Variants in SPINK7 observed in about 807,000 individuals in gnomAD.
SPINK7 encodes serine protease inhibitor Kazal-type 7.
A neutral mutation model predicts 11.6 loss-of-function variants in SPINK7; 8 were observed. The observed-to-expected ratio is 0.69, with a 90% confidence interval of 0.41 to 1.25. The LOEUF (loss-of-function observed/expected upper bound fraction) is 1.25. SPINK7 is among the 50% of genes most tolerant of loss of function. The probability of loss-of-function intolerance (pLI) is 0.01; values close to 1 mark genes in which losing one functional copy is unlikely to be tolerated. For synonymous variants in SPINK7, 38 were observed against 35.3 expected, an observed-to-expected ratio of 1.08 and a Z score of -0.27; for missense variants, 113 against 99.3, an observed-to-expected ratio of 1.14 and a Z score of -0.58.
rs148739653 is a variant in SPINK7, at chr5:148,315,763, TCA to T, written c.*80_*81del. ...ATCCCAGGCTCTGACTGAGTTTCTT[TCA>T]GTTTTACTGATGTTCTGGGTGGGGG... On this transcript the variant is annotated 3_prime_UTR_variant, in exon 4 of 4. Transcript: ENST00000274565. The T allele has an allele frequency of 2.4e-3, 2,152 of 898,872 alleles. 31 individuals are homozygous for T. In the African/African-American group the frequency reaches 0.032, roughly 14 times the overall value. The allele number at this position is 898,872 out of a possible 1,614,324, so 55.7% of individuals were successfully genotyped here.
At chr5:148,315,588 A>G (rs748838330) in intron 3 of SPINK7, 51 bp from the exon 4 acceptor site, 3 of 1,162,058 alleles carry the variant, frequency 2.6e-6, no homozygotes, top group South Asian at 1.2e-5. Context: ...CTAACATTAC[A>G]TAAAATTTCC....
At chr5:148,312,991 T>C (rs932935651) in intron 1 of SPINK7, among the ~76,000 whole-genome samples, 4 of 152,042 alleles carry the variant, frequency 2.6e-5, no homozygotes, top group African/African-American at 9.7e-5. Flanking sequence ...ATAAAGACAT[T>C]CAATTGCATT....
intron 2 of SPINK7, 161 bp from the exon 3 acceptor site, chr5:148,313,939 T>C: frequency 1.3e-6 from 1 of 779,440 alleles, no homozygotes; most frequent in Non-Finnish European, 2.1e-6. Context: ...AGAATACCAG[T>C]AGTGCTAGTA....
rs1422928688 is a variant in SPINK7 at position 148,312,528 on chromosome 5, T to C, written c.45T>C (p.Tyr15=). 2.5e-6 allele frequency: 4 copies of C among 1,608,538 alleles called. No individual in the cohort carries two copies. Among genetic ancestry groups the C allele is most frequent in the Non-Finnish European group, 3.4e-6 (4 of 1,176,062 alleles). ...TCCTTCTGCTCTGTACAGTGGTCTA[T>C]TTCTGTAGCAGCTCAGGTAAGTTAA... The part of the protein sequence containing the change: ...GGLLLLCTVV[Y]FCSSSEAASL... The change falls in exon 1 of 4, where the codon TAT becomes TAC. Residue 15 remains tyrosine, a synonymous_variant. Transcript: ENST00000274565.
Position 148,314,238 on chromosome 5 carries a change from A to G in SPINK7, c.212+14A>G. 1 of 1,613,402 alleles carries G rather than the reference A, an allele frequency of 6.2e-7. No individual in the cohort carries two copies. The highest frequency in any genetic ancestry group is 8.5e-7 in the Non-Finnish European group (1 of 1,179,504). ...TACCGAGAGCTTGTGAGTACCTCAT[A>G]AGAAGAAAATGAGATCTGGAGTCAG... is the stretch of plus-strand genomic sequence containing the variant. On this transcript the variant is annotated intron_variant, in intron 3 of 3. Transcript: ENST00000274565.
In SPINK7 at chr5:148,313,363, C is replaced by T. The variant is rs1339851420; in HGVS notation, c.62-11C>T. The T allele has an allele frequency of 1.3e-6, 2 of 1,597,744 alleles. No homozygotes were observed. The highest frequency in any genetic ancestry group is 1.1e-5 in the South Asian group (1 of 89,254). ...TTACTTTTAACATCTTCATCTGTAT[C>T]TCTTTTTCAGAAGCTGCTAGTCTGT... On this transcript the variant is annotated splice_polypyrimidine_tract_variant and intron_variant, in intron 1 of 3. Transcript: ENST00000274565.
chr5:148,312,536 G>GC lies in SPINK7; in HGVS notation c.54dup (p.Ser19GlnfsTer6). The GC allele has an allele frequency of 6.2e-7, 1 of 1,604,718 alleles. No individual in the cohort carries two copies. The highest frequency in any genetic ancestry group is 8.5e-7 in the Non-Finnish European group (1 of 1,172,898). The stretch of plus-strand genomic sequence containing the variant: ...CTCTGTACAGTGGTCTATTTCTGTA[G>GC]CAGCTCAGGTAAGTTAAGGTCAGAC... On this transcript the variant is annotated frameshift_variant, in exon 1 of 4. Coordinates refer to ENST00000274565, the MANE Select transcript of SPINK7 (RefSeq NM_032566.3). LOFTEE classifies it high-confidence loss of function.
chr5:148,314,005 T>A (rs1326199565), intron 2 of SPINK7, 95 bp from the exon 3 acceptor site: 2 of 1,514,524 alleles, frequency 1.3e-6, no homozygotes, highest in Non-Finnish European at 1.8e-6. Flanking sequence ...CATCTGAATA[T>A]CTGAGCTGGG....
intron 3 of SPINK7, 120 bp from the exon 4 acceptor site, chr5:148,315,519 C>A (rs1313647653): frequency 8.8e-6 from 5 of 570,818 alleles, no homozygotes; most frequent in Non-Finnish European, 9.6e-6. Context: ...TTCTGAGACT[C>A]AGTTTCCTTA....
At chr5:148,314,031 A>C in intron 2 of SPINK7, 69 bp from the exon 3 acceptor site, 1 of 1,597,448 alleles carries the variant, frequency 6.3e-7, no homozygotes, top group African/African-American at 1.3e-5. Context: ...CAGCCCTTGT[A>C]GTATATCTAA....
Position 148,314,429 on chromosome 5 carries a change from T to C in SPINK7, c.212+205T>C, listed in dbSNP as rs139160161. ...GCTCTGCCAGCTTGGACTAGTCCCA[T>C]CCCATCACAGAACCTCCAGTTCCTG... On this transcript the variant is annotated intron_variant, in intron 3 of 3. Coordinates refer to ENST00000274565, the MANE Select transcript of SPINK7 (RefSeq NM_032566.3). 1.1e-3 allele frequency: 624 copies of C among 588,540 alleles called. 2 individuals are homozygous for C. The highest frequency in any genetic ancestry group is 0.01 in the African/African-American group (557 of 53,654). 36.5% of individuals were successfully genotyped at this position (588,540 alleles called of 1,614,324 possible). A position where few individuals can be genotyped will look rare whatever the true frequency, so the allele number is the denominator to read the frequency against.
At chr5:148,315,544 T>A (rs1039002291) in intron 3 of SPINK7, 95 bp from the exon 4 acceptor site, 1 of 665,740 alleles carries the variant, frequency 1.5e-6, no homozygotes, top group Non-Finnish European at 2.7e-6. Context: ...TAAAATGAGG[T>A]GCTGCCTCAT....
rs1236478919 is a variant in SPINK7 at position 148,313,264 on chromosome 5, C to T, written c.62-110C>T. The T allele has an allele frequency of 1.2e-5, 10 of 801,658 alleles. No homozygotes were observed. The East Asian group carries it at 2.9e-4, about 23-fold the overall frequency. 49.7% of individuals were successfully genotyped at this position (801,658 alleles called of 1,614,324 possible). Reference sequence around the variant, plus strand: ...CATAAGGATGGAGAGTGTGCTGAATCTCATTGCTAAAGGAAATGTAGAGTA... The same window carrying T: ...CATAAGGATGGAGAGTGTGCTGAATTTCATTGCTAAAGGAAATGTAGAGTA... On this transcript the variant is annotated intron_variant, in intron 1 of 3. Coordinates refer to ENST00000274565, the MANE Select transcript of SPINK7 (RefSeq NM_032566.3).
In SPINK7 at chr5:148,313,360, T is replaced by C. The variant is rs767967028; in HGVS notation, c.62-14T>C. 3 of 1,597,542 alleles carry C rather than the reference T, an allele frequency of 1.9e-6. No homozygotes were observed. The highest frequency in any genetic ancestry group is 2.7e-5 in the African/African-American group (2 of 74,374). On this transcript the variant is annotated splice_polypyrimidine_tract_variant and intron_variant, in intron 1 of 3. Coordinates refer to ENST00000274565, the MANE Select transcript of SPINK7 (RefSeq NM_032566.3). ...GCTTTACTTTTAACATCTTCATCTG[T>C]ATCTCTTTTTCAGAAGCTGCTAGTC...
At chr5:148,314,983 A>G (rs1756911040) in intron 3 of SPINK7, among the ~76,000 whole-genome samples, 1 of 152,192 alleles carries the variant, frequency 6.6e-6, no homozygotes, top group Non-Finnish European at 1.5e-5. Flanking sequence ...CTTTGGTACA[A>G]GACATGCAAA....
Position 148,312,533 on chromosome 5 carries a change from G to C in SPINK7, c.50G>C (p.Cys17Ser). 1 of 1,606,410 alleles carries C rather than the reference G, an allele frequency of 6.2e-7. No homozygotes were observed. The highest frequency in any genetic ancestry group is 2.2e-5 in the East Asian group (1 of 44,818). Residue 17 changes from cysteine (C) to serine (S), a missense_variant, in exon 1 of 4, where the codon TGT becomes TCT. Cys to Ser is a moderately radical substitution (Grantham distance 112). Coordinates refer to ENST00000274565, the MANE Select transcript of SPINK7 (RefSeq NM_032566.3). ...CTGCTCTGTACAGTGGTCTATTTCT[G>C]TAGCAGCTCAGGTAAGTTAAGGTCA... is the stretch of plus-strand genomic sequence containing the variant. Reference protein sequence around the residue: ...LLLLCTVVYFCSSSEAASLSP... With the variant: ...LLLLCTVVYFSSSSEAASLSP...
chr5:148,315,090 G>C (rs781102462), intron 3 of SPINK7, among the ~76,000 whole-genome samples: 67 of 152,128 alleles, frequency 4.4e-4, no homozygotes, highest in Non-Finnish European at 5.9e-4. Flanking sequence ...TTTCATCTTT[G>C]TGATTATCTT....
At chr5:148,314,079 A>T (rs759765415) in intron 2 of SPINK7, 21 bp from the exon 3 acceptor site, 2 of 1,613,568 alleles carry the variant, frequency 1.2e-6, no homozygotes. Context: ...AAAACAGGAC[A>T]TTTGCTTGTA....
rs1478754871 is a variant in SPINK7 at position 148,312,537 on chromosome 5, C to T, written c.54C>T (p.Ser18=). Residue 18 remains serine (S), a synonymous_variant, in exon 1 of 4, where the codon AGC becomes AGT. Coordinates refer to ENST00000274565, the MANE Select transcript of SPINK7 (RefSeq NM_032566.3). ...LLLCTVVYFC[S]SSEAASLSPK... ...TCTGTACAGTGGTCTATTTCTGTAG[C>T]AGCTCAGGTAAGTTAAGGTCAGACA... 1 of 1,603,506 alleles carries T rather than the reference C, an allele frequency of 6.2e-7. No homozygotes were observed. The highest frequency in any genetic ancestry group is 1.3e-5 in the African/African-American group (1 of 74,518).
Sources: allele counts gnomAD v4.1 joint callset (sites outside exome capture counted in the v4.1 genomes callset), GRCh38; gene constraint gnomAD v4.1.1; transcripts MANE v1.5; gene names NCBI Gene and HGNC (gene_info 2026-07-23, HGNC 2026-07-21).